HLTF: variants seen among roughly 807,000 people sequenced by gnomAD.
HLTF encodes DNA-dependent ATPase/E3 ubiquitin-protein ligase HLTF.
In HLTF, 127 loss-of-function variants were observed where a neutral mutation model predicts 129.4. The observed-to-expected ratio is 0.98, with a 90% CI of 0.85 to 1.14. The LOEUF (loss-of-function observed/expected upper bound fraction) is 1.14. Ranked by LOEUF, HLTF falls within the 50% of genes most tolerant of loss-of-function variation. The pLI, the probability that HLTF is intolerant of heterozygous loss-of-function variation, is 0.00. For missense variants in HLTF, 1,139 were observed against 1,187.1 expected, an observed-to-expected ratio of 0.96 and a Z score of 0.60; for synonymous variants, 332 against 388.8, an observed-to-expected ratio of 0.85 and a Z score of 1.72.
chr3:149,080,061 A>G (rs1165122972), intron 2 of HLTF, among the ~76,000 whole-genome samples: 1 of 152,178 alleles, frequency 6.6e-6, no homozygotes, highest in Non-Finnish European at 1.5e-5. Context: ...TCTATTTAAC[A>G]TAAAAATGAG....
chr3:149,047,718 ATATAC>A (rs1466996586), intron 17 of HLTF, among the ~76,000 whole-genome samples: 2 of 152,160 alleles, frequency 1.3e-5, no homozygotes, highest in Non-Finnish European at 2.9e-5. Flanking sequence ...TCCTCAAAGG[ATATAC>A]GATGTTTCCT....
At position 149,084,663 on chromosome 3, in the gene HLTF, T is replaced by C; in HGVS notation, c.228+19A>G. The C allele has an allele frequency of 6.6e-7, 1 of 1,521,424 alleles. No individual in the cohort carries two copies. The highest frequency in any genetic ancestry group is 1.2e-5 in the South Asian group (1 of 85,436). The allele number at this position is 1,521,424 out of a possible 1,614,324, so 94.2% of individuals were successfully genotyped here. ...GCCAGAAATATAATCAAAATTTAATTATCTACTATTATACTCACTACTCCC... is the reference window on the plus strand; with the variant it reads ...GCCAGAAATATAATCAAAATTTAATCATCTACTATTATACTCACTACTCCC... On this transcript the variant is annotated intron_variant, in intron 2 of 24. Coordinates refer to ENST00000310053, the MANE Select transcript of HLTF (RefSeq NM_003071.4).
intron 3 of HLTF, among the ~76,000 whole-genome samples, chr3:149,075,305 T>G (rs965057964): frequency 2.0e-5 from 3 of 152,186 alleles, no homozygotes; most frequent in Non-Finnish European, 4.4e-5. Flanking sequence ...TCCCAGCATT[T>G]TGGGAGGCCG....
intron 20 of HLTF, among the ~76,000 whole-genome samples, chr3:149,041,274 T>TAA (rs1716113436): frequency 6.6e-6 from 1 of 152,160 alleles, no homozygotes; most frequent in Non-Finnish European, 1.5e-5. Flanking sequence ...AGCAATGATA[T>TAA]AAACAGCGGA....
intron 23 of HLTF, among the ~76,000 whole-genome samples, chr3:149,036,056 A>AC (rs760790990): frequency 3.7e-4 from 55 of 149,552 alleles, no homozygotes; most frequent in Non-Finnish European, 6.4e-4. Context: ...AATGGCGTGA[A>AC]CCCAGGAGGC....
In HLTF at chr3:149,031,852, A is replaced by G. The variant is rs1373344581; in HGVS notation, c.*368T>C. 1 of 155,258 alleles carries G rather than the reference A, an allele frequency of 6.4e-6. No individual in the cohort carries two copies. The highest frequency in any genetic ancestry group is 2.4e-5 in the African/African-American group (1 of 41,576). 9.6% of individuals were successfully genotyped at this position (155,258 alleles called of 1,614,324 possible). On this transcript the variant is annotated 3_prime_UTR_variant, in exon 25 of 25. Coordinates refer to ENST00000310053, the MANE Select transcript of HLTF (RefSeq NM_003071.4). ...GCTTTGGTAAATAACTAAGTGTCCA[A>G]CATAGAAAATAACTATTTGGTCAAA...
intron 19 of HLTF, 32 bp downstream of exon 19, chr3:149,042,134 T>C: frequency 1.9e-6 from 3 of 1,592,268 alleles, no homozygotes; most frequent in Admixed American, 3.4e-5. Context: ...CTCTGACAAA[T>C]ACAATGATAT....
chr3:149,041,431 A>G (rs1716123001), intron 20 of HLTF, 59 bp downstream of exon 20: 6 of 1,124,486 alleles, frequency 5.3e-6, no homozygotes, highest in Non-Finnish European at 7.4e-6. Context: ...CTTTTATTAT[A>G]TTAAAGACAG....
intron 20 of HLTF, among the ~76,000 whole-genome samples, chr3:149,040,568 T>C (rs757503352): frequency 6.6e-6 from 1 of 152,104 alleles, no homozygotes; most frequent in Non-Finnish European, 1.5e-5. Context: ...TTATAATAGC[T>C]TATAAAGCTA....
chr3:149,063,629 C>G, intron 9 of HLTF, 105 bp from the exon 10 acceptor site: 1 of 651,618 alleles, frequency 1.5e-6, no homozygotes, highest in South Asian at 1.8e-5. Flanking sequence ...TTTCAGTTTT[C>G]TTAAGATCTT....
chr3:149,059,375 C>A, intron 13 of HLTF: 1 of 412,162 alleles, frequency 2.4e-6, no homozygotes, highest in Non-Finnish European at 4.7e-6. Flanking sequence ...AATTCTAATA[C>A]CAAAAAATTA....
chr3:149,077,482 G>A (rs536308612), intron 2 of HLTF, among the ~76,000 whole-genome samples: 161 of 151,972 alleles, frequency 1.1e-3, no homozygotes, highest in Admixed American at 3.1e-3. Flanking sequence ...AACCTCCCTT[G>A]GGCGGATGTT....
intron 24 of HLTF, among the ~76,000 whole-genome samples, chr3:149,033,135 G>A (rs921786135): frequency 6.6e-6 from 1 of 151,980 alleles, no homozygotes; most frequent in African/African-American, 2.4e-5. Context: ...TATTTAATGT[G>A]AAACAATAAA....
At chr3:149,037,756 T>G (rs1576573307) in intron 23 of HLTF, among the ~76,000 whole-genome samples, 1 of 152,160 alleles carries the variant, frequency 6.6e-6, no homozygotes, top group Non-Finnish European at 1.5e-5. Flanking sequence ...CCACAAATCT[T>G]AAGTCTGAAT....
At chr3:149,082,121 T>C (rs1327854668) in intron 2 of HLTF, among the ~76,000 whole-genome samples, 4 of 152,182 alleles carry the variant, frequency 2.6e-5, no homozygotes, top group Admixed American at 6.5e-5. Flanking sequence ...TAGAATTCAA[T>C]GTATATGAAG....
At chr3:149,082,853 T>A (rs1358999623) in intron 2 of HLTF, among the ~76,000 whole-genome samples, 1 of 152,208 alleles carries the variant, frequency 6.6e-6, no homozygotes, top group African/African-American at 2.4e-5. Flanking sequence ...ATACATAATA[T>A]GATTCCAATT....
At chr3:149,064,396 T>A (rs554426675) in intron 9 of HLTF, among the ~76,000 whole-genome samples, 1 of 152,370 alleles carries the variant, frequency 6.6e-6, no homozygotes, top group South Asian at 2.1e-4. Context: ...ATTTCTCCTA[T>A]GACTTCAGAA....
At chr3:149,047,370 G>A (rs1716627442) in intron 17 of HLTF, among the ~76,000 whole-genome samples, 1 of 152,190 alleles carries the variant, frequency 6.6e-6, no homozygotes, top group Non-Finnish European at 1.5e-5. Flanking sequence ...GGCCAGGTGT[G>A]GTAGCTCATG....
chr3:149,078,744 T>C (rs1162644015), intron 2 of HLTF, among the ~76,000 whole-genome samples: 1 of 151,298 alleles, frequency 6.6e-6, no homozygotes, highest in Non-Finnish European at 1.5e-5. Context: ...GTAGTCCCAG[T>C]TACTCGGGAA....
Sources: gnomAD v4.1 joint callset for allele counts (sites outside exome capture counted in the v4.1 genomes callset) on GRCh38, gnomAD v4.1.1 for gene constraint, MANE v1.5 for transcripts, NCBI Gene and HGNC (gene_info 2026-07-23, HGNC 2026-07-21) for gene names.